Variants in TLL1 observed in about 807,000 individuals in gnomAD.
TLL1 encodes tolloid-like protein 1.
Under a neutral mutation model 128.2 loss-of-function variants are expected in TLL1, and 49 were observed. The ratio of observed to expected loss-of-function variants is 0.38; its 90% confidence interval spans 0.30 to 0.48. TLL1 has a LOEUF of 0.48. TLL1 is among the 20% of genes least tolerant of loss of function. The pLI, the probability that TLL1 is intolerant of heterozygous loss-of-function variation, is 0.96. For missense variants in TLL1, 1,123 were observed against 1,242.0 expected (o/e 0.90, Z 1.44); for synonymous variants, 454 against 418.8 (o/e 1.08, Z -1.03).
At chr4:165,887,373 T>C (rs1731210073) in intron 1 of TLL1, among the ~76,000 whole-genome samples, 1 of 151,518 alleles carries the variant, frequency 6.6e-6, no homozygotes, top group South Asian at 2.1e-4. Flanking sequence ...GGATTGGAGG[T>C]AAGAGACCAG....
chr4:165,955,328 T>G (rs1231673830), intron 1 of TLL1, among the ~76,000 whole-genome samples: 1 of 152,036 alleles, frequency 6.6e-6, no homozygotes, highest in African/African-American at 2.4e-5. Flanking sequence ...TTGGCATTCC[T>G]GAGAGATAAG....
chr4:166,044,325 G>A, intron 12 of TLL1: 1 of 1,520,340 alleles, frequency 6.6e-7, no homozygotes, highest in Non-Finnish European at 8.8e-7. Flanking sequence ...ACTTACTGAG[G>A]GCAGTGACCG....
intron 1 of TLL1, among the ~76,000 whole-genome samples, chr4:165,891,925 C>T (rs971967634): frequency 6.6e-6 from 1 of 152,138 alleles, no homozygotes; most frequent in East Asian, 1.9e-4. Context: ...CTGTATTAGT[C>T]CTCATGCTGC....
intron 1 of TLL1, among the ~76,000 whole-genome samples, chr4:165,880,466 T>A (rs1283363958): frequency 6.6e-6 from 1 of 152,222 alleles, no homozygotes; most frequent in Non-Finnish European, 1.5e-5. Context: ...AAGAACTTCT[T>A]TGAATGATAG....
At chr4:166,099,980 T>G (rs1742217301) in intron 20 of TLL1, among the ~76,000 whole-genome samples, 1 of 152,126 alleles carries the variant, frequency 6.6e-6, no homozygotes, top group Non-Finnish European at 1.5e-5. Context: ...GCCACTGGTG[T>G]GTGTACACAG....
Position 166,099,387 on chromosome 4 carries a change from T to G in TLL1, c.2767T>G (p.Ser923Ala). The G allele has an allele frequency of 6.2e-7, 1 of 1,613,546 alleles. No individual in the cohort carries two copies. Among genetic ancestry groups the G allele is most frequent in the Non-Finnish European group, 8.5e-7 (1 of 1,179,650 alleles). Residue 923 changes from serine (S) to alanine (A), a missense_variant, in exon 20 of 21, where the codon TCA becomes GCA. By Grantham distance (99) the Ser-to-Ala change is moderately conservative (BLOSUM62 1). Around this residue, in one of 3 missense-constraint regions of TLL1, gnomAD observed 634 missense variants for 672.4 expected, o/e 0.94. Transcript: ENST00000061240. ...GGTTGACTGTGAATGGCTATTAGTA[T>G]CAGAACGGGGCTCTCGACTTGAATT... The part of the protein sequence containing the change: ...GQVDCEWLLV[S>A]ERGSRLELSF...
intron 9 of TLL1, among the ~76,000 whole-genome samples, chr4:166,034,134 T>G (rs1738894709): frequency 6.6e-6 from 1 of 152,132 alleles, no homozygotes; most frequent in African/African-American, 2.4e-5. Flanking sequence ...TATTATAAAC[T>G]TATAACCTAG....
chr4:165,980,134 G>A (rs1053641536), intron 1 of TLL1, among the ~76,000 whole-genome samples: 3 of 152,036 alleles, frequency 2.0e-5, no homozygotes, highest in African/African-American at 4.8e-5. Flanking sequence ...GCACTCTTCC[G>A]AGCATGGTTT....
intron 1 of TLL1, among the ~76,000 whole-genome samples, chr4:165,919,382 C>CAAA (rs1163238067): frequency 1.1e-4 from 8 of 75,254 alleles, no homozygotes; most frequent in Non-Finnish European, 2.3e-4. Flanking sequence ...GACCCTGCTT[C>CAAA]AAAAAAAAAA....
chr4:166,096,062 T>C (rs1357980719), intron 19 of TLL1, among the ~76,000 whole-genome samples: 1 of 152,156 alleles, frequency 6.6e-6, no homozygotes, highest in Non-Finnish European at 1.5e-5. Flanking sequence ...TCAGGCTGCC[T>C]ATTTTATTCT....
intron 1 of TLL1, among the ~76,000 whole-genome samples, chr4:165,875,324 G>A (rs1730677191): frequency 1.3e-5 from 2 of 152,060 alleles, no homozygotes; most frequent in South Asian, 4.2e-4. Flanking sequence ...AAAAATGCTG[G>A]AAATTCCCTA....
intron 10 of TLL1, 132 bp downstream of exon 10, chr4:166,039,573 CT>C: frequency 2.9e-6 from 2 of 685,902 alleles, no homozygotes; most frequent in South Asian, 1.7e-5. Context: ...GTTAGTTATA[CT>C]TTTTTCAACC....
chr4:166,014,305 A>T (rs529041361), intron 7 of TLL1, 131 bp from the exon 8 acceptor site: 120 of 1,351,860 alleles, frequency 8.9e-5, no homozygotes, highest in Non-Finnish European at 2.1e-5. Context: ...AGCCTGATAC[A>T]CTGCTTAAAG....
At chr4:165,901,065 G>A (rs775837170) in intron 1 of TLL1, among the ~76,000 whole-genome samples, 16 of 151,886 alleles carry the variant, frequency 1.1e-4, no homozygotes, top group Non-Finnish European at 2.4e-4. Context: ...CGAAGTTCTC[G>A]TGCTGTGTTT....
At chr4:165,924,443 C>T (rs1433919361) in intron 1 of TLL1, among the ~76,000 whole-genome samples, 2 of 152,128 alleles carry the variant, frequency 1.3e-5, no homozygotes, top group Admixed American at 6.5e-5. Flanking sequence ...TCGCTTAAGC[C>T]AAAGCCTAAT....
At chr4:166,083,130 G>A (rs999600475) in intron 18 of TLL1, among the ~76,000 whole-genome samples, 6 of 152,074 alleles carry the variant, frequency 3.9e-5, no homozygotes, top group African/African-American at 7.2e-5. Context: ...GCGATGAAAG[G>A]CAAATAAAAC....
intron 8 of TLL1, among the ~76,000 whole-genome samples, chr4:166,020,640 C>G (rs1170272445): frequency 6.6e-6 from 1 of 151,770 alleles, no homozygotes; most frequent in Non-Finnish European, 1.5e-5. Flanking sequence ...CTTAATTTAA[C>G]TATTCTTTTG....
chr4:165,933,252 A>T (rs1450552929), intron 1 of TLL1, among the ~76,000 whole-genome samples: 2 of 152,118 alleles, frequency 1.3e-5, no homozygotes, highest in African/African-American at 4.8e-5. Context: ...CTGAGATGTT[A>T]TCTGGGTACA....
At chr4:166,020,179 G>A (rs1738154486) in intron 8 of TLL1, among the ~76,000 whole-genome samples, 1 of 152,154 alleles carries the variant, frequency 6.6e-6, no homozygotes, top group African/African-American at 2.4e-5. Context: ...AGAGCTGCTC[G>A]ACATTGGGGT....
Sources: allele counts gnomAD v4.1 joint callset (sites outside exome capture counted in the v4.1 genomes callset), GRCh38; gene constraint gnomAD v4.1.1; regional missense constraint gnomAD v4.1.1; transcripts MANE v1.5; gene names NCBI Gene and HGNC (gene_info 2026-07-23, HGNC 2026-07-21).